The following BCAS4 variants were observed in gnomAD, a reference collection of about 807,000 sequenced individuals.
BCAS4 encodes breast carcinoma-amplified sequence 4.
In BCAS4, 9 loss-of-function variants were observed where a neutral mutation model predicts 15.7. The ratio of observed to expected loss-of-function variants is 0.57; its 90% confidence interval spans 0.34 to 1.00. BCAS4 has a LOEUF of 1.00. Among genes scored for constraint, BCAS4 ranks in the 50% least tolerant of loss-of-function variants. The pLI, the probability that BCAS4 is intolerant of heterozygous loss-of-function variation, is 0.02. For missense variants in BCAS4, 225 were observed against 239.1 expected (o/e 0.94, Z 0.39); for synonymous variants, 101 against 99.5 (o/e 1.02, Z -0.09).
chr20:50,805,830 C>G lies in BCAS4; in HGVS notation c.90+10657C>G, dbSNP rs528609008. On this transcript the variant is annotated intron_variant, in intron 1 of 4. Transcript: ENST00000371608. ...TCTCTTCTAAAAATACAAAACTTAG[C>G]CAGGCGTGGTGGTGTGCTCTTGTAG... Among the ~76,000 whole-genome samples, 132 of 152,084 alleles carry G rather than the reference C, an allele frequency of 8.7e-4. 1 individual carries two copies. The highest frequency in any genetic ancestry group is 3.5e-4 in the Non-Finnish European group (24 of 68,006).
intron 4 of BCAS4, among the ~76,000 whole-genome samples, chr20:50,845,935 G>A (rs1162773708): frequency 6.6e-6 from 1 of 152,204 alleles, no homozygotes; most frequent in Non-Finnish European, 1.5e-5. Context: ...CATTGCCTGT[G>A]GCCTGGGCTG....
intron 4 of BCAS4, among the ~76,000 whole-genome samples, chr20:50,863,496 G>A (rs759827355): frequency 6.6e-6 from 1 of 152,034 alleles, no homozygotes; most frequent in Admixed American, 6.6e-5. Context: ...GACCTCAAGC[G>A]ATACGCCTGT....
At chr20:50,796,396 CAT>C (rs554920502) in intron 1 of BCAS4, among the ~76,000 whole-genome samples, 6 of 121,470 alleles carry the variant, frequency 4.9e-5, no homozygotes, top group African/African-American at 6.1e-5. Context: ...AATATCTTTC[CAT>C]ATATATATAT....
intron 3 of BCAS4, among the ~76,000 whole-genome samples, chr20:50,838,917 G>A (rs2088442447): frequency 6.6e-6 from 1 of 152,088 alleles, no homozygotes; most frequent in Non-Finnish European, 1.5e-5. Context: ...AGGAGAGCAG[G>A]GCGCTATAGG....
At chr20:50,847,099 C>T (rs1018115726) in intron 4 of BCAS4, among the ~76,000 whole-genome samples, 5 of 151,906 alleles carry the variant, frequency 3.3e-5, no homozygotes, top group Admixed American at 2.0e-4. Flanking sequence ...GGAGGGATTC[C>T]GAGCATGGAG....
At chr20:50,858,466 G>A (rs1252323124) in intron 4 of BCAS4, among the ~76,000 whole-genome samples, 1 of 152,090 alleles carries the variant, frequency 6.6e-6, no homozygotes, top group African/African-American at 2.4e-5. Flanking sequence ...GCCGGGCATG[G>A]TGGCAAGCGC....
intron 3 of BCAS4, among the ~76,000 whole-genome samples, chr20:50,835,220 T>C (rs1488230172): frequency 6.6e-6 from 1 of 151,852 alleles, no homozygotes; most frequent in Non-Finnish European, 1.5e-5. Context: ...TACACTATTT[T>C]GAACTCCCAC....
At chr20:50,829,760 C>T (rs1247727972) in intron 2 of BCAS4, among the ~76,000 whole-genome samples, 1 of 151,690 alleles carries the variant, frequency 6.6e-6, no homozygotes, top group Non-Finnish European at 1.5e-5. Flanking sequence ...CCTTGCCAAG[C>T]AGAAGAAAAT....
Position 50,875,808 on chromosome 20 carries a change from C to G in BCAS4, c.400-678C>G, listed in dbSNP as rs111283261. ...AAAGAAAAAAAAAAATCAGTCATGC[C>G]ACCAACCACAGCCACTGTACCCAGG... On this transcript the variant is annotated intron_variant, in intron 4 of 4. Coordinates refer to ENST00000371608, the MANE Select transcript of BCAS4 (RefSeq NM_198799.4). Among the ~76,000 whole-genome samples, 466 of 152,052 alleles carry G rather than the reference C, an allele frequency of 3.1e-3. 2 individuals carry two copies. Among genetic ancestry groups the G allele is most frequent in the African/African-American group, 0.011 (443 of 41,500 alleles).
intron 4 of BCAS4, among the ~76,000 whole-genome samples, chr20:50,873,890 G>A (rs981129603): frequency 2.0e-5 from 3 of 152,184 alleles, no homozygotes; most frequent in Non-Finnish European, 4.4e-5. Context: ...AGATGTGAAG[G>A]TGGTGACGCA....
intron 4 of BCAS4, among the ~76,000 whole-genome samples, chr20:50,874,057 A>T (rs1164217174): frequency 6.6e-6 from 1 of 152,290 alleles, no homozygotes; most frequent in East Asian, 1.9e-4. Flanking sequence ...TGGGGGACAC[A>T]TGAAACAGCC....
intron 4 of BCAS4, among the ~76,000 whole-genome samples, chr20:50,842,566 C>T (rs1359144167): frequency 1.3e-5 from 2 of 152,138 alleles, no homozygotes; most frequent in South Asian, 2.1e-4. Context: ...TACAGGTGCA[C>T]GTCACCATGC....
At chr20:50,830,401 G>A (rs374118580) in intron 3 of BCAS4, 21 bp downstream of exon 3, 24 of 1,590,554 alleles carry the variant, frequency 1.5e-5, no homozygotes, top group Middle Eastern at 1.7e-4. Context: ...GCAAACGAAG[G>A]TTCTGAGGCT....
chr20:50,878,851 AGT>A (rs1396263719), downstream of BCAS4: 6 of 152,140 alleles, frequency 3.9e-5, no homozygotes, highest in Admixed American at 3.9e-4. Flanking sequence ...TCACAAACTG[AGT>A]GTATCTATTT....
intron 4 of BCAS4, among the ~76,000 whole-genome samples, chr20:50,846,380 TCCCAGCACTTTG>T (rs2088543870): frequency 6.6e-6 from 1 of 152,080 alleles, no homozygotes; most frequent in Admixed American, 6.5e-5. Context: ...CCACCCATAA[TCCCAGCACTTTG>T]GGAGGCCAGG....
intron 1 of BCAS4, among the ~76,000 whole-genome samples, chr20:50,797,925 A>T (rs1468309779): frequency 6.6e-6 from 1 of 151,382 alleles, no homozygotes; most frequent in East Asian, 2.0e-4. Context: ...TCGGCCTCCC[A>T]AAGTGCTGGG....
At chr20:50,863,732 G>A (rs958091454) in intron 4 of BCAS4, among the ~76,000 whole-genome samples, 9 of 152,216 alleles carry the variant, frequency 5.9e-5, no homozygotes, top group Non-Finnish European at 1.2e-4. Flanking sequence ...ATAAGGGGAC[G>A]GATCTGGAGG....
chr20:50,802,904 G>GA (rs2087945345), intron 1 of BCAS4, among the ~76,000 whole-genome samples: 1 of 150,762 alleles, frequency 6.6e-6, no homozygotes, highest in South Asian at 2.1e-4. Flanking sequence ...CACGTTGGCT[G>GA]GCCATGGTGG....
chr20:50,838,465 T>A (rs2088437251), intron 3 of BCAS4, among the ~76,000 whole-genome samples: 2 of 152,096 alleles, frequency 1.3e-5, no homozygotes, highest in African/African-American at 4.8e-5. Context: ...ATCCCAGCAC[T>A]TTGGGAGGCT....
Sources: allele counts gnomAD v4.1 joint callset (sites outside exome capture counted in the v4.1 genomes callset), GRCh38; gene constraint gnomAD v4.1.1; transcripts MANE v1.5; gene names NCBI Gene and HGNC (gene_info 2026-07-23, HGNC 2026-07-21).